KCNN3: variants seen among roughly 807,000 people sequenced by gnomAD.
KCNN3 encodes the protein potassium calcium-activated channel subfamily N member 3.
Under a neutral mutation model 62.9 loss-of-function variants are expected in KCNN3, and 16 were observed. The observed-to-expected ratio is 0.25, with a 90% CI of 0.17 to 0.39. The LOEUF is 0.39. Ranked by LOEUF, KCNN3 falls within the 10% of genes least tolerant of loss-of-function variation. The pLI is 1.00. For synonymous variants in KCNN3, 370 were observed against 389.2 expected (o/e 0.95, Z 0.58); for missense variants, 599 against 949.4 (o/e 0.63, Z 4.85).
chr1:154,838,350 A>G (rs1651686389), intron 1 of KCNN3, among the ~76,000 whole-genome samples: 1 of 152,062 alleles, frequency 6.6e-6, no homozygotes, highest in Non-Finnish European at 1.5e-5. Context: ...ATTCCATAGC[A>G]AGTAATTTAA....
rs1363583597 is a variant in KCNN3 at position 154,772,436 on chromosome 1, A to G, written c.1030-43T>C. On this transcript the variant is annotated intron_variant, in intron 2 of 7. Transcript: ENST00000271915. The surrounding 1 kb of genome is among the most constrained non-coding windows in gnomAD (Gnocchi z 5.6). ...TCCATTAGTGTGGCCAGGACCAGGA[A>G]GCCCACAGCAGGGTCCAGGCAGGAC... 5 of 1,602,090 alleles carry G rather than the reference A, an allele frequency of 3.1e-6. No homozygotes were observed. The African/African-American group carries it at 5.4e-5, about 17-fold the overall frequency.
intron 3 of KCNN3, among the ~76,000 whole-genome samples, chr1:154,747,965 C>A (rs1192214280): frequency 2.6e-5 from 4 of 152,188 alleles, no homozygotes; most frequent in Non-Finnish European, 4.4e-5. Flanking sequence ...GGATCAAGTG[C>A]CCTCTGTGGA....
chr1:154,741,314 C>T (rs1280173715), intron 3 of KCNN3, among the ~76,000 whole-genome samples: 1 of 152,160 alleles, frequency 6.6e-6, no homozygotes, highest in Non-Finnish European at 1.5e-5. Context: ...ATTTGTCTAA[C>T]CCTGAAGTTA....
At chr1:154,814,648 C>T (rs1285745076) in intron 2 of KCNN3, among the ~76,000 whole-genome samples, 5 of 152,194 alleles carry the variant, frequency 3.3e-5, no homozygotes, top group African/African-American at 4.8e-5. Flanking sequence ...AAATACAAAG[C>T]GCTAGACAAG....
intron 3 of KCNN3, among the ~76,000 whole-genome samples, chr1:154,744,349 T>G (rs982462687): frequency 1.3e-5 from 2 of 152,214 alleles, no homozygotes; most frequent in African/African-American, 4.8e-5. Context: ...AGTGCGTAAC[T>G]GACCTAACTA....
chr1:154,724,731 TCTTCCATAACCA>T (rs1366115324), intron 5 of KCNN3, among the ~76,000 whole-genome samples: 1 of 152,174 alleles, frequency 6.6e-6, no homozygotes, highest in African/African-American at 2.4e-5. Context: ...CAGATTTTCA[TCTTCCATAACCA>T]CTTCCATAAT....
chr1:154,728,830 G>A (rs140374278), intron 4 of KCNN3, among the ~76,000 whole-genome samples: 300 of 152,296 alleles, frequency 2.0e-3, no homozygotes, highest in African/African-American at 7.1e-3. Context: ...GGGATTGAGA[G>A]AGGAAGGAAG....
intron 1 of KCNN3, among the ~76,000 whole-genome samples, chr1:154,833,069 T>C (rs984343416): frequency 3.3e-5 from 5 of 152,090 alleles, no homozygotes; most frequent in African/African-American, 9.7e-5. Flanking sequence ...ACCCCTCCAA[T>C]TGGCCTTCCC....
At chr1:154,853,504 T>G (rs1295762090) in intron 1 of KCNN3, among the ~76,000 whole-genome samples, 4 of 151,950 alleles carry the variant, frequency 2.6e-5, no homozygotes, top group African/African-American at 9.7e-5. Context: ...CCCAGCTAAT[T>G]TTTTGTTTTG....
chr1:154,698,140 T>C lies in KCNN3; in HGVS notation c.*9836A>G, dbSNP rs1699775958. ...GAAAACATTTTTTAGGTCTACCAAC[T>C]TAGAAAAAGTCCCAGATATTACATA... On this transcript the variant is annotated 3_prime_UTR_variant, in exon 8 of 8. Coordinates refer to ENST00000271915, the MANE Select transcript of KCNN3 (RefSeq NM_002249.6). 6.6e-6 allele frequency: 1 copy of C among 152,178 alleles called. No individual in the cohort carries two copies. Among genetic ancestry groups the C allele is most frequent in the South Asian group, 2.1e-4 (1 of 4,828 alleles). The allele number at this position is 152,178 out of a possible 1,614,324, so 9.4% of individuals were successfully genotyped here.
At chr1:154,796,201 C>G (rs540952280) in intron 2 of KCNN3, among the ~76,000 whole-genome samples, 1 of 152,306 alleles carries the variant, frequency 6.6e-6, no homozygotes, top group East Asian at 1.9e-4. Flanking sequence ...AAGATATACA[C>G]TCAGCAGTGA....
At chr1:154,748,963 G>C (rs1700998012) in intron 3 of KCNN3, among the ~76,000 whole-genome samples, 1 of 152,182 alleles carries the variant, frequency 6.6e-6, no homozygotes, top group Admixed American at 6.5e-5. Context: ...GGACTTGCCT[G>C]CATCCACAGC....
At chr1:154,805,173 C>T (rs1650118384) in intron 2 of KCNN3, among the ~76,000 whole-genome samples, 1 of 152,078 alleles carries the variant, frequency 6.6e-6, no homozygotes, top group African/African-American at 2.4e-5. Context: ...GGGACCTGGG[C>T]GTTCAGGGAA....
At chr1:154,769,885 A>T (rs1488124515) in intron 3 of KCNN3, among the ~76,000 whole-genome samples, 1 of 152,238 alleles carries the variant, frequency 6.6e-6, no homozygotes, top group Non-Finnish European at 1.5e-5. Flanking sequence ...ATTATTATTA[A>T]CTTTCACCAT....
intron 1 of KCNN3, among the ~76,000 whole-genome samples, chr1:154,867,347 C>T (rs1558014057): frequency 6.6e-6 from 1 of 152,218 alleles, no homozygotes; most frequent in Non-Finnish European, 1.5e-5. Context: ...CGCTTCTGCT[C>T]GCTGAGACGC....
chr1:154,727,907 A>T (rs1166432947), intron 4 of KCNN3, among the ~76,000 whole-genome samples: 1 of 152,246 alleles, frequency 6.6e-6, no homozygotes, highest in Non-Finnish European at 1.5e-5. Flanking sequence ...CTGAAAGCCC[A>T]AAAAGAGGGC....
intron 2 of KCNN3, among the ~76,000 whole-genome samples, chr1:154,816,360 T>A (rs573348629): frequency 1.3e-5 from 2 of 152,360 alleles, no homozygotes; most frequent in Non-Finnish European, 2.9e-5. Flanking sequence ...TAATGATCTC[T>A]GAAGCTCCCA....
At chr1:154,835,188 A>G (rs1194039598) in intron 1 of KCNN3, among the ~76,000 whole-genome samples, 1 of 152,232 alleles carries the variant, frequency 6.6e-6, no homozygotes, top group Non-Finnish European at 1.5e-5. Context: ...GAGGGTTCCC[A>G]CGGGCTTAAA....
At chr1:154,789,092 C>T (rs1402961498) in intron 2 of KCNN3, among the ~76,000 whole-genome samples, 2 of 152,152 alleles carry the variant, frequency 1.3e-5, no homozygotes, top group South Asian at 2.1e-4. Flanking sequence ...GGAGGTTGTC[C>T]GCAGGGCTGG....
Sources: gnomAD v4.1 joint callset for allele counts (sites outside exome capture counted in the v4.1 genomes callset) on GRCh38, gnomAD v4.1.1 for gene constraint, Gnocchi (gnomAD v3.1) non-coding constraint, MANE v1.5 for transcripts, NCBI Gene and HGNC (gene_info 2026-07-23, HGNC 2026-07-21) for gene names.